ABLIM3: variants seen among roughly 807,000 people sequenced by gnomAD.
The protein encoded by ABLIM3 is actin binding LIM protein family member 3.
In ABLIM3, 61 loss-of-function variants were observed where a neutral mutation model predicts 109.5. The ratio of observed to expected loss-of-function variants is 0.56; its 90% CI spans 0.45 to 0.69. The LOEUF (loss-of-function observed/expected upper bound fraction) is 0.69. Among genes scored for constraint, ABLIM3 ranks in the 30% least tolerant of loss-of-function variants. The probability of loss-of-function intolerance (pLI) is 0.00; values close to 1 mark genes in which losing one functional copy is unlikely to be tolerated. For missense variants in ABLIM3, 796 were observed against 889.5 expected (o/e 0.89, Z 1.34); for synonymous variants, 300 against 324.8 (o/e 0.92, Z 0.82).
In ABLIM3 at chr5:149,235,248, T is replaced by A. The variant is rs545939338; in HGVS notation, c.888+1948T>A. Among the ~76,000 whole-genome samples the A allele has an allele frequency of 4.6e-5, 7 of 152,326 alleles. 1 individual carries two copies. In the East Asian group the frequency reaches 1.3e-3, roughly 29 times the overall value. ...CATGGCTTTCAAATTTGGAAAAAAA[T>A]TCATCCATCTGCTTTGGATAGATGC... On this transcript the variant is annotated intron_variant, in intron 10 of 23. Transcript: ENST00000309868.
chr5:149,188,644 T>C lies in ABLIM3; in HGVS notation c.151+5055T>C, dbSNP rs371067481. Among the ~76,000 whole-genome samples, 6 of 152,326 alleles carry C rather than the reference T, an allele frequency of 3.9e-5. No homozygotes were observed. The East Asian group carries it at 7.7e-4, about 20-fold the overall frequency. ...AGAGAGGGACAGCCAGCAAACTCTC[T>C]AGTGTCTGTTGTTTTAAGAGTACTA... On this transcript the variant is annotated intron_variant, in intron 3 of 23. Transcript: ENST00000309868.
chr5:149,151,489 T>C (rs1296087315), intron 2 of ABLIM3, among the ~76,000 whole-genome samples: 1 of 152,256 alleles, frequency 6.6e-6, no homozygotes, highest in African/African-American at 2.4e-5. Flanking sequence ...CCCCTGAATG[T>C]CAGCCACTGT....
At chr5:149,173,161 C>A (rs940467427) in intron 2 of ABLIM3, among the ~76,000 whole-genome samples, 5 of 152,322 alleles carry the variant, frequency 3.3e-5, no homozygotes, top group Admixed American at 2.6e-4. Flanking sequence ...GGGCCCTGGC[C>A]AGCAGTTCAG....
rs1303012891 is a variant in ABLIM3 at position 149,237,493 on chromosome 5, C to G, written c.934C>G (p.Leu312Val). 2 of 1,614,064 alleles carry G rather than the reference C, an allele frequency of 1.2e-6. No homozygotes were observed. Among genetic ancestry groups the G allele is most frequent in the Non-Finnish European group, 1.7e-6 (2 of 1,180,042 alleles). ...EILNYKDLAA[L>V]PKVKSIYEVQ... ...CCTTAATTACAAAGACCTGGCGGCTCTCCCCAAGGTTAAGTCTATCTACGA... is the reference window on the plus strand; with the variant it reads ...CCTTAATTACAAAGACCTGGCGGCTGTCCCCAAGGTTAAGTCTATCTACGA... The change falls in exon 11 of 24, where the codon CTC (leucine) becomes GTC (valine). Residue 312 changes from leucine (L) to valine (V), a missense_variant. Coordinates refer to ENST00000309868, the MANE Select transcript of ABLIM3 (RefSeq NM_014945.5).
In ABLIM3 at chr5:149,187,359, G is replaced by A. The variant is rs574962643; in HGVS notation, c.151+3770G>A. On this transcript the variant is annotated intron_variant, in intron 3 of 23. Transcript: ENST00000309868. ...CAGGGAGAAAAGACAAATCATCTGC[G>A]TATAAATGGTAAATGGCCAGACAAC... Among the ~76,000 whole-genome samples the A allele has an allele frequency of 3.3e-5, 5 of 152,280 alleles. No individual in the cohort carries two copies. The East Asian group carries it at 5.8e-4, about 18-fold the overall frequency.
intron 8 of ABLIM3, chr5:149,218,987 G>T (rs1760376936): frequency 6.6e-6 from 1 of 152,354 alleles, no homozygotes. Context: ...AGGAATTAGG[G>T]CCCTTCCTCC....
At chr5:149,246,644 A>G (rs1399993272) in intron 17 of ABLIM3, 98 bp downstream of exon 17, 29 of 1,329,360 alleles carry the variant, frequency 2.2e-5, no homozygotes, top group Non-Finnish European at 2.7e-5. Context: ...AAGCCCACTT[A>G]TGATAGAAAA....
At position 149,206,908 on chromosome 5, in the gene ABLIM3, A is replaced by C. The variant is rs911814957; in HGVS notation, c.449-100A>C. 1.4e-5 allele frequency: 21 copies of C among 1,501,508 alleles called. No individual in the cohort carries two copies. In the African/African-American group the frequency reaches 2.5e-4, roughly 18 times the overall value. 93.0% of individuals were successfully genotyped at this position (1,501,508 alleles called of 1,614,324 possible). On this transcript the variant is annotated intron_variant, in intron 5 of 23. Transcript: ENST00000309868. ...GTGTCAGGTGGGAGCAACTATGGGA[A>C]CACTGGCATTCAGGGAGGGGTTTCC...
intron 2 of ABLIM3, among the ~76,000 whole-genome samples, chr5:149,165,112 A>G (rs1375144043): frequency 6.6e-6 from 1 of 152,240 alleles, no homozygotes; most frequent in African/African-American, 2.4e-5. Context: ...AATCAATTCA[A>G]AGCATCCTTG....
intron 3 of ABLIM3, among the ~76,000 whole-genome samples, chr5:149,195,559 G>C (rs919867083): frequency 6.6e-5 from 10 of 152,274 alleles, no homozygotes; most frequent in African/African-American, 2.4e-4. Context: ...TCCTATGGTG[G>C]CCTGGATTTC....
chr5:149,213,299 C>T (rs1382493177), intron 7 of ABLIM3, among the ~76,000 whole-genome samples: 1 of 152,048 alleles, frequency 6.6e-6, no homozygotes, highest in Non-Finnish European at 1.5e-5. Context: ...AGCAGCTGCT[C>T]ACAGTGAAAG....
intron 7 of ABLIM3, among the ~76,000 whole-genome samples, chr5:149,215,225 A>G (rs985968511): frequency 1.3e-5 from 2 of 152,204 alleles, no homozygotes; most frequent in African/African-American, 2.4e-5. Flanking sequence ...GAGTAGGAAG[A>G]GGCTGCTAAT....
At position 149,195,966 on chromosome 5, in the gene ABLIM3, C is replaced by A. The variant is rs143196505; in HGVS notation, c.152-2253C>A. 3.2e-3 allele frequency among the ~76,000 whole-genome samples: 480 copies of A among 152,332 alleles called. 4 individuals carry two copies. Among genetic ancestry groups the A allele is most frequent in the African/African-American group, 0.011 (454 of 41,572 alleles). On this transcript the variant is annotated intron_variant, in intron 3 of 23. Transcript: ENST00000309868. ...TAAAGGAAGCTTTTCTTCTCATAGA[C>A]TTACAGCATGTCAGTTCTAAAAGAA... is the stretch of plus-strand genomic sequence containing the variant.
intron 2 of ABLIM3, among the ~76,000 whole-genome samples, chr5:149,176,593 T>C (rs918027125): frequency 2.0e-5 from 3 of 152,120 alleles, no homozygotes; most frequent in Non-Finnish European, 2.9e-5. Flanking sequence ...TTCATTCTCC[T>C]GTAAAATGAG....
intron 3 of ABLIM3, among the ~76,000 whole-genome samples, chr5:149,194,487 T>C (rs1418739152): frequency 1.3e-5 from 2 of 152,142 alleles, no homozygotes; most frequent in Admixed American, 1.3e-4. Flanking sequence ...TGCAAGAATG[T>C]TTAGAACAGC....
At chr5:149,145,792 C>CT (rs34095459) in intron 2 of ABLIM3, among the ~76,000 whole-genome samples, 16,315 of 147,596 alleles carry the variant, frequency 0.11, 1,450 homozygotes, top group African/African-American at 0.22. Flanking sequence ...ACGTGTATGT[C>CT]TTTTTTTTTT....
chr5:149,146,697 A>G (rs979748793), intron 2 of ABLIM3, among the ~76,000 whole-genome samples: 1 of 152,216 alleles, frequency 6.6e-6, no homozygotes, highest in African/African-American at 2.4e-5. Context: ...TAGCAGTACC[A>G]TGCTGTTTTG....
chr5:149,256,123 G>A (rs1254393424), intron 23 of ABLIM3, among the ~76,000 whole-genome samples: 1 of 152,218 alleles, frequency 6.6e-6, no homozygotes, highest in East Asian at 1.9e-4. Context: ...GAGAACTGGA[G>A]GGAGAAAGGA....
Position 149,149,540 on chromosome 5 carries a change from A to G in ABLIM3, c.13+7432A>G, listed in dbSNP as rs141685722. 4.2e-3 allele frequency among the ~76,000 whole-genome samples: 637 copies of G among 152,320 alleles called. 4 individuals are homozygous for G. The highest frequency in any genetic ancestry group is 0.015 in the African/African-American group (616 of 41,576). On this transcript the variant is annotated intron_variant, in intron 2 of 23. Coordinates refer to ENST00000309868, the MANE Select transcript of ABLIM3 (RefSeq NM_014945.5). ...GAAGCTTATTAACCTGGCATTGTAT[A>G]TGGCATGGGTTGAAAAAGGGAAGAC...
Sources: gnomAD v4.1 joint callset for allele counts (sites outside exome capture counted in the v4.1 genomes callset) on GRCh38, gnomAD v4.1.1 for gene constraint, MANE v1.5 for transcripts, NCBI Gene and HGNC (gene_info 2026-07-23, HGNC 2026-07-21) for gene names.